The following SYNE2 variants were observed in gnomAD, a reference collection of about 807,000 sequenced individuals.
SYNE2 encodes spectrin repeat containing nuclear envelope protein 2.
Under a neutral mutation model 856.3 loss-of-function variants are expected in SYNE2, and 431 were observed. The observed-to-expected ratio is 0.50, with a 90% CI of 0.47 to 0.55. The LOEUF (loss-of-function observed/expected upper bound fraction) is 0.55. Ranked by LOEUF, SYNE2 falls within the 20% of genes least tolerant of loss-of-function variation. SYNE2 has a pLI of 0.00. For synonymous variants in SYNE2, 2,923 were observed against 2,872.3 expected (o/e 1.02, Z -0.56); for missense variants, 8,129 against 8,023.2 (o/e 1.01, Z -0.50).
At chr14:64,156,959 T>C (rs1268428909) in intron 85 of SYNE2, among the ~76,000 whole-genome samples, 1 of 152,194 alleles carries the variant, frequency 6.6e-6, no homozygotes, top group Non-Finnish European at 1.5e-5. Context: ...CTTGTAGTTA[T>C]TAAACAGAAA....
At position 64,040,569 on chromosome 14, in the gene SYNE2, T is replaced by C. The variant is rs75754276; in HGVS notation, c.7222-7431T>C. Among the ~76,000 whole-genome samples, 215 of 149,222 alleles carry C rather than the reference T, an allele frequency of 1.4e-3. 3 individuals are homozygous for C. In the East Asian group the frequency reaches 0.036, roughly 25 times the overall value. ...AAAATCCAACATCTATAAAGAGACA[T>C]ATCCCCTACTGTAGAAGTGAGGTTA... On this transcript the variant is annotated intron_variant, in intron 45 of 115. Coordinates refer to ENST00000555002, the MANE Select transcript of SYNE2 (RefSeq NM_182914.3).
At chr14:64,191,255 G>A (rs2098517595) in intron 99 of SYNE2, 7 of 228,806 alleles carry the variant, frequency 3.1e-5, no homozygotes, top group Non-Finnish European at 5.6e-5. Context: ...GAAACCACAA[G>A]TGAACCTGAG....
Position 64,188,567 on chromosome 14 carries a change from G to A in SYNE2, c.17730G>A (p.Gln5910=), listed in dbSNP as rs2139570393. Residue 5910 remains glutamine, a synonymous_variant, in exon 98 of 116, where the codon CAG becomes CAA. Transcript: ENST00000555002. ...ATTTGCAGGTGGCCATACGTAAACA[G>A]GAGATTGAAGACAGACTCAATACAT... The part of the protein sequence containing the change: ...DLCLRVAIRK[Q]EIEDRLNTWV... 1.2e-6 allele frequency: 2 copies of A among 1,614,176 alleles called. No homozygotes were observed. Among genetic ancestry groups the A allele is most frequent in the Non-Finnish European group, 1.7e-6 (2 of 1,180,034 alleles).
In SYNE2 at chr14:64,175,050, G is replaced by A; in HGVS notation, c.17342G>A (p.Gly5781Asp). 1 of 1,614,198 alleles carries A rather than the reference G, an allele frequency of 6.2e-7. No individual in the cohort carries two copies. The highest frequency in any genetic ancestry group is 8.5e-7 in the Non-Finnish European group (1 of 1,180,032). Residue 5781 changes from glycine to aspartate, a missense_variant, in exon 95 of 116, where the codon GGT becomes GAT. By Grantham distance (94) the Gly-to-Asp change is moderately conservative. Coordinates refer to ENST00000555002, the MANE Select transcript of SYNE2 (RefSeq NM_182914.3). The part of the protein sequence containing the change: ...TTDLKTKESV[G>D]RRISQLQDSW... ...GACCTGAAAACTAAAGAGTCTGTGG[G>A]TAGGAGAATCAGTCAACTTCAGGAC...
intron 1 of SYNE2, among the ~76,000 whole-genome samples, chr14:63,770,594 G>C (rs1460182662): frequency 1.3e-5 from 2 of 152,120 alleles, no homozygotes; most frequent in African/African-American, 4.8e-5. Context: ...GAGCCAGGGA[G>C]TTTGGGACCA....
chr14:63,943,394 A>G (rs2095956094), intron 6 of SYNE2, among the ~76,000 whole-genome samples: 1 of 152,198 alleles, frequency 6.6e-6, no homozygotes, highest in African/African-American at 2.4e-5. Flanking sequence ...CTGTATCTCC[A>G]TAATTATTTT....
chr14:64,105,980 A>T (rs1361507045), intron 64 of SYNE2, among the ~76,000 whole-genome samples: 1 of 151,412 alleles, frequency 6.6e-6, no homozygotes, highest in Non-Finnish European at 1.5e-5. Context: ...AGCCTGGGAG[A>T]TGAAGGTTGC....
chr14:63,928,969 G>A (rs1020179903), intron 2 of SYNE2, among the ~76,000 whole-genome samples: 2 of 152,166 alleles, frequency 1.3e-5, no homozygotes, highest in Non-Finnish European at 2.9e-5. Context: ...CTGGCACAGA[G>A]CTCCTAAAAC....
intron 6 of SYNE2, among the ~76,000 whole-genome samples, chr14:63,945,905 G>A (rs901391996): frequency 2.0e-5 from 3 of 152,126 alleles, no homozygotes; most frequent in Non-Finnish European, 2.9e-5. Flanking sequence ...TATATACCTT[G>A]TATAAATCCT....
chr14:63,909,251 A>AGTGAGGAG, intron 2 of SYNE2, 24 bp downstream of exon 2: 1 of 1,536,614 alleles, frequency 6.5e-7, no homozygotes, highest in Non-Finnish European at 9.0e-7. Context: ...GGTGGGGGTA[A>AGTGAGGAG]CACCCACAGA....
At position 64,052,060 on chromosome 14, in the gene SYNE2, T is replaced by C. The variant is rs1304349501; in HGVS notation, c.8147T>C (p.Leu2716Ser). ...INNLKKQWET[L>S]EPLHLEAENQ... is the part of the protein sequence containing the mutation. Reference sequence around the variant, plus strand: ...AACTTGAAGAAACAATGGGAAACATTGGAGCCATTACACTTAGAAGCAGAA... The same window carrying C: ...AACTTGAAGAAACAATGGGAAACATCGGAGCCATTACACTTAGAAGCAGAA... Residue 2716 changes from leucine to serine, a missense_variant, in exon 48 of 116, where the codon TTG (leucine) becomes TCG (serine). Around this residue, in one of 3 missense-constraint regions of SYNE2, gnomAD observed 5,410 missense variants for 5,284.8 expected, o/e 1.02. Coordinates refer to ENST00000555002, the MANE Select transcript of SYNE2 (RefSeq NM_182914.3). 1 of 1,614,002 alleles carries C rather than the reference T, an allele frequency of 6.2e-7. No individual in the cohort carries two copies. Among genetic ancestry groups the C allele is most frequent in the East Asian group, 2.2e-5 (1 of 44,898 alleles).
At chr14:64,101,021 T>TA (rs1402918549) in intron 63 of SYNE2, among the ~76,000 whole-genome samples, 1 of 152,192 alleles carries the variant, frequency 6.6e-6, no homozygotes, top group Non-Finnish European at 1.5e-5. Flanking sequence ...TCAGTATGTG[T>TA]ATATAACCAC....
intron 57 of SYNE2, 63 bp from the exon 58 acceptor site, chr14:64,087,608 T>C (rs559251888): frequency 3.3e-6 from 5 of 1,533,856 alleles, no homozygotes; most frequent in Non-Finnish European, 4.5e-6. Flanking sequence ...GATTTAAATA[T>C]TAATCAGCTT....
At chr14:64,107,750 A>G in intron 65 of SYNE2, 143 bp downstream of exon 65, 1 of 771,314 alleles carries the variant, frequency 1.3e-6, no homozygotes, top group South Asian at 1.5e-5. Flanking sequence ...ATGTGCTGTC[A>G]AGCTGTAGAA....
chr14:63,824,101 G>A (rs1889327313), intron 1 of SYNE2, among the ~76,000 whole-genome samples: 1 of 152,216 alleles, frequency 6.6e-6, no homozygotes, highest in African/African-American at 2.4e-5. Flanking sequence ...CACTTTGTGA[G>A]GCCAAGGCAG....
chr14:63,850,079 CTTTTT>C (rs66964099), upstream of SYNE2, among the ~76,000 whole-genome samples: 15 of 130,418 alleles, frequency 1.2e-4, no homozygotes, highest in Non-Finnish European at 1.6e-4. Flanking sequence ...TGACAACATA[CTTTTT>C]TTTTTTTTTT....
chr14:63,877,386 A>G (rs2094749524), intron 1 of SYNE2, among the ~76,000 whole-genome samples: 1 of 152,220 alleles, frequency 6.6e-6, no homozygotes, highest in Admixed American at 6.5e-5. Flanking sequence ...GAATAGGTCA[A>G]AAGTTTGGCA....
In SYNE2 at chr14:64,154,971, A is replaced by G. The variant is rs113113549; in HGVS notation, c.15792+2255A>G. Among the ~76,000 whole-genome samples the G allele has an allele frequency of 6.8e-4, 103 of 152,234 alleles. 1 individual carries two copies. The highest frequency in any genetic ancestry group is 2.4e-3 in the African/African-American group (99 of 41,512). ...CCACTAGGATAGCTGTAACAAAAAG[A>G]CAGACAGTAACAAGTGTTAATGTGG... On this transcript the variant is annotated intron_variant, in intron 85 of 115. Coordinates refer to ENST00000555002, the MANE Select transcript of SYNE2 (RefSeq NM_182914.3).
chr14:64,077,212 A>G lies in SYNE2; in HGVS notation c.11022+1112A>G, dbSNP rs544552836. Among the ~76,000 whole-genome samples the G allele has an allele frequency of 7.2e-5, 11 of 152,286 alleles. 1 individual carries two copies. In the South Asian group the frequency reaches 2.3e-3, roughly 32 times the overall value. On this transcript the variant is annotated intron_variant, in intron 54 of 115. Coordinates refer to ENST00000555002, the MANE Select transcript of SYNE2 (RefSeq NM_182914.3). The stretch of plus-strand genomic sequence containing the variant: ...GATCCCGGGGGACAGACATAGTAAC[A>G]TTGTGTATAATTCAAATGGCTACAT...
Sources: allele counts gnomAD v4.1 joint callset (sites outside exome capture counted in the v4.1 genomes callset), GRCh38; gene constraint gnomAD v4.1.1; regional missense constraint gnomAD v4.1.1; transcripts MANE v1.5; gene names NCBI Gene and HGNC (gene_info 2026-07-23, HGNC 2026-07-21).